Variants in MEI4 observed in about 807,000 individuals in gnomAD.
The protein encoded by MEI4 is meiosis-specific protein MEI4.
A neutral mutation model predicts 31.4 loss-of-function variants in MEI4; 27 were observed. The observed-to-expected ratio is 0.86, with a 90% confidence interval of 0.63 to 1.19. The LOEUF is 1.19. MEI4 is among the 50% of genes most tolerant of loss of function. The pLI, the probability that MEI4 is intolerant of heterozygous loss-of-function variation, is 0.00. For synonymous variants in MEI4, 122 were observed against 145.4 expected, an observed-to-expected ratio of 0.84 and a Z score of 1.16; for missense variants, 329 against 398.9, an observed-to-expected ratio of 0.82 and a Z score of 1.49.
At chr6:77,674,636 C>T (rs1052526063) in intron 1 of MEI4, among the ~76,000 whole-genome samples, 4 of 151,850 alleles carry the variant, frequency 2.6e-5, no homozygotes, top group Non-Finnish European at 5.9e-5. Flanking sequence ...TATGAGTTGG[C>T]ATAATGACAG....
intron 4 of MEI4, among the ~76,000 whole-genome samples, chr6:77,904,156 T>G (rs1323996539): frequency 3.9e-5 from 6 of 152,182 alleles, no homozygotes; most frequent in Non-Finnish European, 8.8e-5. Context: ...ATTACTTATT[T>G]TTCCCTAGTG....
At chr6:77,849,721 T>C (rs530208414) in intron 4 of MEI4, among the ~76,000 whole-genome samples, 2 of 152,298 alleles carry the variant, frequency 1.3e-5, no homozygotes, top group Admixed American at 1.3e-4. Flanking sequence ...AGAACAGATA[T>C]TTAGCGGTGC....
In MEI4 at chr6:77,912,854, TA is replaced by T. The variant is rs1336926120; in HGVS notation, c.901-10234del. ...CTAGTACTATGTGGAATAAAAATAT[TA>T]GAGTTAAACTAGGTATCTTTGTCTT... is the stretch of plus-strand genomic sequence containing the variant. On this transcript the variant is annotated intron_variant, in intron 4 of 4. Coordinates refer to ENST00000684080, the MANE Select transcript of MEI4 (RefSeq NM_001322247.2). 1.4e-4 allele frequency among the ~76,000 whole-genome samples: 22 copies of T among 152,220 alleles called. No homozygotes were observed. The South Asian group carries it at 1.7e-3, about 11-fold the overall frequency.
intron 3 of MEI4, among the ~76,000 whole-genome samples, chr6:77,827,573 G>A (rs932371339): frequency 6.6e-6 from 1 of 151,968 alleles, no homozygotes; most frequent in Admixed American, 6.6e-5. Context: ...AATCCTAACT[G>A]CAGAGTAATC....
intron 2 of MEI4, among the ~76,000 whole-genome samples, chr6:77,736,657 A>G (rs1161562052): frequency 6.6e-6 from 1 of 151,852 alleles, no homozygotes; most frequent in Non-Finnish European, 1.5e-5. Context: ...TTTGGCTCCT[A>G]CCCCCTTAAT....
chr6:77,656,809 AT>A (rs763286400), intron 1 of MEI4, among the ~76,000 whole-genome samples: 25 of 152,232 alleles, frequency 1.6e-4, no homozygotes, highest in Non-Finnish European at 3.2e-4. Flanking sequence ...AATTAAAAAA[AT>A]TCACTCACTA....
At chr6:77,871,996 A>AT (rs1771206038) in intron 4 of MEI4, among the ~76,000 whole-genome samples, 1 of 152,146 alleles carries the variant, frequency 6.6e-6, no homozygotes, top group African/African-American at 2.4e-5. Flanking sequence ...TTCAAATGTG[A>AT]TTTTATCTAA....
chr6:77,907,329 T>A (rs1350302737), intron 4 of MEI4, among the ~76,000 whole-genome samples: 1 of 152,132 alleles, frequency 6.6e-6, no homozygotes, highest in African/African-American at 2.4e-5. Flanking sequence ...GATGTTCCCC[T>A]TCCTGTGTCC....
At chr6:77,809,431 G>T (rs2127704317) in intron 3 of MEI4, among the ~76,000 whole-genome samples, 1 of 152,246 alleles carries the variant, frequency 6.6e-6, no homozygotes, top group African/African-American at 2.4e-5. Flanking sequence ...TTCTTTATAT[G>T]TGAAAAGATA....
At chr6:77,741,398 TGTGGCCTAGAGG>T (rs1296845584) in intron 2 of MEI4, among the ~76,000 whole-genome samples, 8 of 151,890 alleles carry the variant, frequency 5.3e-5, no homozygotes, top group African/African-American at 1.9e-4. Context: ...TGGTCTAGAG[TGTGGCCTAGAGG>T]AGAACAGAAC....
intron 4 of MEI4, among the ~76,000 whole-genome samples, chr6:77,911,302 T>C (rs575998702): frequency 3.7e-4 from 56 of 152,124 alleles, no homozygotes; most frequent in South Asian, 6.2e-4. Context: ...TTTTGTTTTT[T>C]GTTTTCTAAC....
Position 77,918,803 on chromosome 6 carries a change from A to G in MEI4, c.901-4286A>G, listed in dbSNP as rs1028995200. Among the ~76,000 whole-genome samples the G allele has an allele frequency of 6.6e-4, 100 of 151,972 alleles. No homozygotes were observed. In the East Asian group the frequency reaches 9.4e-3, roughly 14 times the overall value. On this transcript the variant is annotated intron_variant, in intron 4 of 4. Transcript: ENST00000684080. ...TGCCCTGGCCAGAACTTCCAATACT[A>G]TGTTGAATAGGAGTGGTGAGAGAGG...
intron 2 of MEI4, among the ~76,000 whole-genome samples, chr6:77,697,083 G>A (rs183294255): frequency 2.3e-4 from 35 of 152,268 alleles, no homozygotes; most frequent in African/African-American, 8.4e-4. Context: ...TCTGATGGTA[G>A]TTTGTATTTC....
intron 4 of MEI4, among the ~76,000 whole-genome samples, chr6:77,915,777 T>C (rs910438458): frequency 1.3e-5 from 2 of 152,030 alleles, no homozygotes; most frequent in East Asian, 3.9e-4. Flanking sequence ...ATCTCTGAGC[T>C]TCCTGTGTTT....
In MEI4 at chr6:77,734,005, A is replaced by T. The variant is rs557834161; in HGVS notation, c.233-27125A>T. Among the ~76,000 whole-genome samples, 23 of 152,096 alleles carry T rather than the reference A, an allele frequency of 1.5e-4. 1 individual carries two copies. The highest frequency in any genetic ancestry group is 5.3e-4 in the African/African-American group (22 of 41,412). On this transcript the variant is annotated intron_variant, in intron 2 of 4. Transcript: ENST00000684080. ...GTGGTCTGAGAGATAGTTTGTTATA[A>T]TTTCTTTTCTTTTACACTTGCTGAG...
intron 3 of MEI4, among the ~76,000 whole-genome samples, chr6:77,800,660 C>T (rs555752977): frequency 6.6e-6 from 1 of 152,224 alleles, no homozygotes; most frequent in African/African-American, 2.4e-5. Flanking sequence ...TTTTGAGGTA[C>T]GTCCCATGAA....
At chr6:77,733,769 C>G (rs1039350580) in intron 2 of MEI4, among the ~76,000 whole-genome samples, 1 of 151,970 alleles carries the variant, frequency 6.6e-6, no homozygotes, top group Non-Finnish European at 1.5e-5. Context: ...GCATTTAGTG[C>G]TATAAATTTC....
Position 77,847,014 on chromosome 6 carries a change from G to A in MEI4, c.900+17952G>A, listed in dbSNP as rs1027051290. Among the ~76,000 whole-genome samples the A allele has an allele frequency of 6.6e-6, 1 of 152,106 alleles. No homozygotes were observed. Among genetic ancestry groups the A allele is most frequent in the Non-Finnish European group, 1.5e-5 (1 of 68,016 alleles). On this transcript the variant is annotated intron_variant, in intron 4 of 4. Coordinates refer to ENST00000684080, the MANE Select transcript of MEI4 (RefSeq NM_001322247.2). This position sits in a 1 kb window ranked among gnomAD's most constrained non-coding sequence, Gnocchi z 4.6. Reference sequence around the variant, plus strand: ...TTTCATTGAGAAACTGAAGGATTTTGTGTTGGGGAAATAATGTTTAACAAC... The same window carrying A: ...TTTCATTGAGAAACTGAAGGATTTTATGTTGGGGAAATAATGTTTAACAAC...
chr6:77,743,933 A>G (rs918385759), intron 2 of MEI4, among the ~76,000 whole-genome samples: 2 of 152,210 alleles, frequency 1.3e-5, no homozygotes, highest in African/African-American at 4.8e-5. Context: ...GAAAACTAAT[A>G]AACAGAAAGG....
Sources: allele counts gnomAD v4.1 joint callset (sites outside exome capture counted in the v4.1 genomes callset), GRCh38; gene constraint gnomAD v4.1.1; non-coding constraint Gnocchi (gnomAD v3.1); transcripts MANE v1.5; gene names NCBI Gene and HGNC (gene_info 2026-07-23, HGNC 2026-07-21).